DVL2: variants seen among roughly 807,000 people sequenced by gnomAD.
The protein encoded by DVL2 is segment polarity protein dishevelled homolog DVL-2.
Under a neutral mutation model 69.8 loss-of-function variants are expected in DVL2, and 38 were observed. The ratio of observed to expected loss-of-function variants is 0.54; its 90% CI spans 0.42 to 0.71. The LOEUF (loss-of-function observed/expected upper bound fraction) is 0.71. Ranked by LOEUF, DVL2 falls within the 30% of genes least tolerant of loss-of-function variation. The pLI, the probability that DVL2 is intolerant of heterozygous loss-of-function variation, is 0.00. For missense variants in DVL2, 931 were observed against 1,008.1 expected, an observed-to-expected ratio of 0.92 and a Z score of 1.04; for synonymous variants, 428 against 392.4, an observed-to-expected ratio of 1.09 and a Z score of -1.07.
Position 7,234,469 on chromosome 17 carries a change from G to A in DVL2, c.-207C>T. 1 of 572,954 alleles carries A rather than the reference G, an allele frequency of 1.7e-6. No individual in the cohort carries two copies. The highest frequency in any genetic ancestry group is 2.9e-6 in the Non-Finnish European group (1 of 343,230). 35.5% of individuals were successfully genotyped at this position (572,954 alleles called of 1,614,324 possible). On this transcript the variant is annotated 5_prime_UTR_variant, in exon 1 of 15. Coordinates refer to ENST00000005340, the MANE Select transcript of DVL2 (RefSeq NM_004422.3). ...GCGACTCAAAGCCCCGGTCTCAGCG[G>A]CCGCCGCGCGCCACCGCCACCGACG... is the stretch of plus-strand genomic sequence containing the variant.
At chr17:7,233,214 C>T (rs918421086) in intron 1 of DVL2, among the ~76,000 whole-genome samples, 2 of 151,994 alleles carry the variant, frequency 1.3e-5, no homozygotes, top group Non-Finnish European at 2.9e-5. Context: ...CCTGAATGTC[C>T]CAAATTACCC....
intron 2 of DVL2, 58 bp from the exon 3 acceptor site, chr17:7,230,488 G>A (rs1597550962): frequency 1.3e-6 from 2 of 1,596,302 alleles, no homozygotes; most frequent in East Asian, 4.5e-5. Context: ...GTGACAGGTG[G>A]CAGTAAGTGA....
rs1364727758 is a variant in DVL2 at position 7,226,948 on chromosome 17, C to T, written c.1543+142G>A. 3 of 835,520 alleles carry T rather than the reference C, an allele frequency of 3.6e-6. No individual in the cohort carries two copies. The East Asian group carries it at 7.7e-5, about 21-fold the overall frequency. The allele number at this position is 835,520 out of a possible 1,614,324, so 51.8% of individuals were successfully genotyped here. A position where few individuals can be genotyped will look rare whatever the true frequency, so the allele number is the denominator to read the frequency against. ...GTGGACGTCAGCCCCCATCCTCGGC[C>T]AGTGCAGGACCTAGTGCGGGACACA... On this transcript the variant is annotated intron_variant, in intron 13 of 14. Coordinates refer to ENST00000005340, the MANE Select transcript of DVL2 (RefSeq NM_004422.3).
intron 1 of DVL2, among the ~76,000 whole-genome samples, chr17:7,231,538 T>C (rs2071543720): frequency 6.6e-6 from 1 of 150,898 alleles, no homozygotes; most frequent in Non-Finnish European, 1.5e-5. Context: ...CTCTAATTCA[T>C]TTCTAGAAGA....
chr17:7,227,442 C>T lies in DVL2; in HGVS notation c.1325G>A (p.Arg442His), dbSNP rs2071474312. 1.2e-6 allele frequency: 2 copies of T among 1,614,092 alleles called. No individual in the cohort carries two copies. Among genetic ancestry groups the T allele is most frequent in the African/African-American group, 1.3e-5 (1 of 74,948 alleles). ...APESGLEVRD[R>H]MWLKITIPNA... ...AGGGATGGTGATCTTGAGCCACATG[C>T]GGTCCCGGACTTCCAGTCCAGACTC... The change falls in exon 12 of 15, where the codon CGC becomes CAC. Residue 442 changes from arginine to histidine, a missense_variant. Around this residue, in one of 3 missense-constraint regions of DVL2, gnomAD observed 62 missense variants for 105.7 expected, o/e 0.59. Coordinates refer to ENST00000005340, the MANE Select transcript of DVL2 (RefSeq NM_004422.3).
intron 1 of DVL2, among the ~76,000 whole-genome samples, chr17:7,232,605 A>G (rs532262347): frequency 6.6e-6 from 1 of 152,388 alleles, no homozygotes; most frequent in Non-Finnish European, 1.5e-5. Context: ...AGATGAGATC[A>G]AGACACAAAA....
rs1205088679 is a variant in DVL2, at chr17:7,226,232, T to G, written c.1844A>C (p.Lys615Thr). The change falls in exon 15 of 15, where the codon AAG becomes ACG. Residue 615 changes from lysine (K) to threonine (T), a missense_variant. Lys to Thr is a moderately conservative substitution (Grantham distance 78). This residue lies in a region of DVL2 where 314 missense variants were observed against 313.7 expected (regional missense o/e 1.00). Transcript: ENST00000005340. The part of the protein sequence containing the change: ...GRPEERAPES[K>T]SGSGSESEPS... ...CTCAGACTCACTGCCACTGCCGGACTTGGACTCGGGGGCCCGCTCCTCGGG... is the reference window on the plus strand; with the variant it reads ...CTCAGACTCACTGCCACTGCCGGACGTGGACTCGGGGGCCCGCTCCTCGGG... 1.2e-6 allele frequency: 2 copies of G among 1,611,976 alleles called. No individual in the cohort carries two copies. Among genetic ancestry groups the G allele is most frequent in the Non-Finnish European group, 1.7e-6 (2 of 1,179,688 alleles).
chr17:7,233,970 G>A (rs1301047638), intron 1 of DVL2, 99 bp downstream of exon 1: 1 of 1,346,134 alleles, frequency 7.4e-7, no homozygotes, highest in South Asian at 1.2e-5. Flanking sequence ...CCATAGGCCA[G>A]AAAATCCCAG....
At position 7,227,107 on chromosome 17, in the gene DVL2, C is replaced by A; in HGVS notation, c.1526G>T (p.Ser509Ile). The A allele has an allele frequency of 6.2e-7, 1 of 1,612,072 alleles. No homozygotes were observed. Among genetic ancestry groups the A allele is most frequent in the South Asian group, 1.1e-5 (1 of 90,796 alleles). ...EQCYYVFGDL[S>I]GGCESYLVNL... ...GGACTTACAGCTCTCACAGCCACCA[C>A]TGAGGTCTCCGAAGACGTAATAGCA... The change falls in exon 13 of 15, where the codon AGT becomes ATT. Residue 509 changes from serine to isoleucine, a missense_variant. By Grantham distance (142) the Ser-to-Ile change is moderately radical (BLOSUM62 -2). This residue lies in a region of DVL2 where 314 missense variants were observed against 313.7 expected (regional missense o/e 1.00). Coordinates refer to ENST00000005340, the MANE Select transcript of DVL2 (RefSeq NM_004422.3).
At position 7,227,479 on chromosome 17, in the gene DVL2, T is replaced by C. The variant is rs778651719; in HGVS notation, c.1288A>G (p.Met430Val). 6.2e-7 allele frequency: 1 copy of C among 1,614,220 alleles called. No homozygotes were observed. The highest frequency in any genetic ancestry group is 8.5e-7 in the Non-Finnish European group (1 of 1,180,046). ...TCCAGTCCAGACTCTGGAGCTGCCA[T>C]GGCCTTGGTCACCGATGCCATGTCC... is the stretch of plus-strand genomic sequence containing the variant. ...HTDMASVTKA[M>V]AAPESGLEVR... The change falls in exon 12 of 15, where the codon ATG becomes GTG. Residue 430 changes from methionine to valine, a missense_variant. By Grantham distance (21) the Met-to-Val change is conservative (BLOSUM62 1). Transcript: ENST00000005340.
chr17:7,226,713 A>G, intron 13 of DVL2, 74 bp from the exon 14 acceptor site: 1 of 1,198,866 alleles, frequency 8.3e-7, no homozygotes, highest in Non-Finnish European at 1.1e-6. Context: ...AATGGAGAGG[A>G]ACTGGGAACA....
Position 7,225,919 on chromosome 17 carries a change from T to C in DVL2, c.2157A>G (p.Gln719=), listed in dbSNP as rs139229864. The C allele has an allele frequency of 1.1e-5, 17 of 1,613,914 alleles. No homozygotes were observed. In the African/African-American group the frequency reaches 2.1e-4, roughly 20 times the overall value. Residue 719 remains glutamine (Q), a synonymous_variant, in exon 15 of 15, where the codon CAA becomes CAG. Coordinates refer to ENST00000005340, the MANE Select transcript of DVL2 (RefSeq NM_004422.3). The part of the protein sequence containing the change: ...SVPPELTASR[Q]SFHMAMGNPS... ...GATTGCCCATGGCCATGTGGAAGCT[T>C]TGGCGGCTGGCTGTCAGTTCTGGGG...
rs777160685 is a variant in DVL2 at position 7,225,692 on chromosome 17, CCT to C, written c.*171_*172del. 132 of 631,532 alleles carry C rather than the reference CCT, an allele frequency of 2.1e-4. No individual in the cohort carries two copies. Among genetic ancestry groups the C allele is most frequent in the Non-Finnish European group, 2.9e-4 (104 of 358,484 alleles). 39.1% of individuals were successfully genotyped at this position (631,532 alleles called of 1,614,324 possible). ...AATAATCAAAGGTCCCTTGTCTACC[CCT>C]GAGGGAAGGGGGAGGAACCAGGCAC... On this transcript the variant is annotated 3_prime_UTR_variant, in exon 15 of 15. Coordinates refer to ENST00000005340, the MANE Select transcript of DVL2 (RefSeq NM_004422.3).
In DVL2 at chr17:7,228,878, G is replaced by T. The variant is rs865986854; in HGVS notation, c.1034+91C>A. ...TTTACAGGCTCGAGCCACCACGCCC[G>T]GCTGTCTTAGTACTTATTAAAATTC... On this transcript the variant is annotated intron_variant, in intron 9 of 14. Coordinates refer to ENST00000005340, the MANE Select transcript of DVL2 (RefSeq NM_004422.3). 3 of 1,358,410 alleles carry T rather than the reference G, an allele frequency of 2.2e-6. No individual in the cohort carries two copies. The East Asian group carries it at 7.1e-5, about 32-fold the overall frequency. 84.1% of individuals were successfully genotyped at this position (1,358,410 alleles called of 1,614,324 possible).
rs151026591 is a variant in DVL2 at position 7,230,658 on chromosome 17, A to C, written c.264+70T>G. The C allele has an allele frequency of 2.4e-3, 3,564 of 1,514,040 alleles. 47 individuals are homozygous for C. In the African/African-American group the frequency reaches 0.03, roughly 13 times the overall value. The allele number at this position is 1,514,040 out of a possible 1,614,324, so 93.8% of individuals were successfully genotyped here. On this transcript the variant is annotated intron_variant, in intron 2 of 14. Transcript: ENST00000005340. ...AACGCGCGGCCTGGGGAGGATACAG[A>C]AACAGACTGAGGCTTGAGGGAGCTT...
At position 7,225,859 on chromosome 17, in the gene DVL2, A is replaced by G. The variant is rs2071435751; in HGVS notation, c.*6T>C. 7 of 1,613,310 alleles carry G rather than the reference A, an allele frequency of 4.3e-6. No individual in the cohort carries two copies. The highest frequency in any genetic ancestry group is 5.9e-6 in the Non-Finnish European group (7 of 1,179,734). On this transcript the variant is annotated 3_prime_UTR_variant, in exon 15 of 15. Coordinates refer to ENST00000005340, the MANE Select transcript of DVL2 (RefSeq NM_004422.3). ...AGCGCCCGGCCCAGCCTGGCCCCAC[A>G]GTGGGCTACATAACATCCACAAAGA...
At position 7,227,937 on chromosome 17, in the gene DVL2, C is replaced by A. The variant is rs752496332; in HGVS notation, c.1102+40G>T. On this transcript the variant is annotated intron_variant, in intron 10 of 14. Coordinates refer to ENST00000005340, the MANE Select transcript of DVL2 (RefSeq NM_004422.3). ...CCCGGCCCCAGCCTCCTGGGCAGCC[C>A]CCACCCCCAACTTCAGGCCCCTCCC... 17 of 1,576,084 alleles carry A rather than the reference C, an allele frequency of 1.1e-5. No individual in the cohort carries two copies. The South Asian group carries it at 1.5e-4, about 14-fold the overall frequency.
rs755774216 is a variant in DVL2 at position 7,230,096 on chromosome 17, A to G, written c.470T>C (p.Val157Ala). The G allele has an allele frequency of 5.0e-6, 8 of 1,614,070 alleles. 1 individual carries two copies. The South Asian group carries it at 8.8e-5, about 18-fold the overall frequency. Residue 157 changes from valine to alanine, a missense_variant, in exon 4 of 15, where the codon GTG becomes GCG. Physicochemically the swap from Val to Ala is moderately conservative, Grantham distance 64. Transcript: ENST00000005340. ...GCGAGGCCGCTCCCGCCTCAGTGACACTACTGACTCGGTTTCTGTCTCAGG... is the reference window on the plus strand; with the variant it reads ...GCGAGGCCGCTCCCGCCTCAGTGACGCTACTGACTCGGTTTCTGTCTCAGG... ...LEPETETESV[V>A]SLRRERPRRR... is the part of the protein sequence containing the mutation.
chr17:7,231,589 G>T (rs534343834), intron 1 of DVL2, among the ~76,000 whole-genome samples: 1 of 149,160 alleles, frequency 6.7e-6, no homozygotes, highest in Non-Finnish European at 1.5e-5. Flanking sequence ...GAGGCCAGGC[G>T]TAGTGACTCA....
Sources: gnomAD v4.1 joint callset for allele counts (sites outside exome capture counted in the v4.1 genomes callset) on GRCh38, gnomAD v4.1.1 for gene constraint, gnomAD v4.1.1 regional missense constraint, MANE v1.5 for transcripts, NCBI Gene and HGNC (gene_info 2026-07-23, HGNC 2026-07-21) for gene names.